SERPINB7: variants seen among roughly 807,000 people sequenced by gnomAD.
SERPINB7 encodes the protein serpin family B member 7, also known as serpin B7.
In SERPINB7, 31 loss-of-function variants were observed where a neutral mutation model predicts 37.4. That is an observed-to-expected ratio of 0.83 (90% CI 0.62 to 1.12). The LOEUF (loss-of-function observed/expected upper bound fraction) is 1.12. SERPINB7 is among the 50% of genes most tolerant of loss of function. The pLI, the probability that SERPINB7 is intolerant of heterozygous loss-of-function variation, is 0.00. For synonymous variants in SERPINB7, 163 were observed against 166.1 expected (o/e 0.98, Z 0.14); for missense variants, 521 against 455.3 (o/e 1.14, Z -1.31).
intron 7 of SERPINB7, 136 bp from the exon 8 acceptor site, chr18:63,804,101 G>A: frequency 1.6e-6 from 1 of 635,356 alleles, no homozygotes; most frequent in South Asian, 2.2e-5. Context: ...TTTCAAGACT[G>A]CCCAAGACAC....
intron 2 of SERPINB7, among the ~76,000 whole-genome samples, chr18:63,783,287 AAAGAAAG>A (rs2049332482): frequency 6.7e-6 from 1 of 149,214 alleles, no homozygotes; most frequent in Admixed American, 6.7e-5. Flanking sequence ...AGAAAGAAAG[AAAGAAAG>A]AAATGCAAAT....
intron 1 of SERPINB7, among the ~76,000 whole-genome samples, chr18:63,776,351 G>A (rs548178436): frequency 3.9e-5 from 6 of 152,022 alleles, no homozygotes; most frequent in Non-Finnish European, 8.8e-5. Context: ...TATATCCGTG[G>A]CTTAGTCTAT....
At chr18:63,772,449 A>C (rs369389687), upstream of SERPINB7, among the ~76,000 whole-genome samples, 11 of 152,228 alleles carry the variant, frequency 7.2e-5, no homozygotes, top group Admixed American at 4.6e-4. Flanking sequence ...CATCATTTAT[A>C]TTTAACTTTG....
At chr18:63,785,989 C>CAT (rs1491074489) in intron 2 of SERPINB7, among the ~76,000 whole-genome samples, 3 of 136,148 alleles carry the variant, frequency 2.2e-5, no homozygotes, top group African/African-American at 5.9e-5. Context: ...TATATATACA[C>CAT]ATATATAATA....
chr18:63,760,760 C>A (rs913743469), intron 1 of SERPINB7, among the ~76,000 whole-genome samples: 1 of 152,180 alleles, frequency 6.6e-6, no homozygotes, highest in Non-Finnish European at 1.5e-5. Flanking sequence ...AAGACCCAAG[C>A]CTTGGCAGCT....
intron 7 of SERPINB7, among the ~76,000 whole-genome samples, 160 bp from the exon 8 acceptor site, chr18:63,804,068 CTATTCATTT>C (rs960621875): frequency 1.3e-5 from 2 of 152,156 alleles, no homozygotes; most frequent in Non-Finnish European, 2.9e-5. Context: ...AGTACTTGAG[CTATTCATTT>C]TATTCATGTT....
At chr18:63,788,780 C>A (rs1343692649) in intron 2 of SERPINB7, among the ~76,000 whole-genome samples, 1 of 152,140 alleles carries the variant, frequency 6.6e-6, no homozygotes, top group Non-Finnish European at 1.5e-5. Context: ...GTATTTAATA[C>A]ACAGATATTT....
intron 5 of SERPINB7, among the ~76,000 whole-genome samples, chr18:63,798,393 TCA>T (rs968124221): frequency 6.6e-6 from 1 of 152,144 alleles, no homozygotes; most frequent in African/African-American, 2.4e-5. Flanking sequence ...AGTGCCTACC[TCA>T]CAGGGATTAT....
chr18:63,770,581 T>C (rs186217385), upstream of SERPINB7, among the ~76,000 whole-genome samples: 109 of 152,214 alleles, frequency 7.2e-4, no homozygotes, highest in African/African-American at 2.4e-3. Flanking sequence ...ACAGGATTTT[T>C]ACTGTCCATG....
At chr18:63,760,276 G>A (rs2144584605) in intron 1 of SERPINB7, among the ~76,000 whole-genome samples, 1 of 152,288 alleles carries the variant, frequency 6.6e-6, no homozygotes, top group South Asian at 2.1e-4. Context: ...CCCTGCCCTA[G>A]AGATTTGTGA....
At chr18:63,754,867 T>C (rs901287621) in intron 1 of SERPINB7, among the ~76,000 whole-genome samples, 2 of 148,728 alleles carry the variant, frequency 1.3e-5, no homozygotes, top group Non-Finnish European at 3.0e-5. Flanking sequence ...CCCAGCATTG[T>C]TTAAACTGAG....
intron 4 of SERPINB7, 29 bp from the exon 5 acceptor site, chr18:63,796,237 A>G: frequency 7.9e-7 from 1 of 1,267,752 alleles, no homozygotes; most frequent in Non-Finnish European, 1.1e-6. Context: ...GATGATTTGT[A>G]AATACGAGAA....
Position 63,783,220 on chromosome 18 carries a change from G to GAAAGAA in SERPINB7, c.168+681_168+682insAAGAAA, listed in dbSNP as rs1224407643. Among the ~76,000 whole-genome samples the GAAAGAA allele has an allele frequency of 6.2e-3, 394 of 63,900 alleles. 26 individuals are homozygous for GAAAGAA. The highest frequency in any genetic ancestry group is 0.025 in the African/African-American group (367 of 14,686). The allele number at this position is 63,900 out of a possible 152,430, so 41.9% of individuals were successfully genotyped here. A position where few individuals can be genotyped will look rare whatever the true frequency, so the allele number is the denominator to read the frequency against. On this transcript the variant is annotated intron_variant, in intron 2 of 7. Transcript: ENST00000398019. ...AGAGAGAGAGAGAGAGAGAGAGAGA[G>GAAAGAA]AGAGAGAGAGAGAGAAAGAAAGAAA...
intron 2 of SERPINB7, among the ~76,000 whole-genome samples, chr18:63,786,136 C>CATATAATATAAGTATATATATATGTAT (rs1555694575): frequency 8.3e-6 from 1 of 120,068 alleles, no homozygotes; most frequent in Non-Finnish European, 1.6e-5. Context: ...TACGTATATA[C>CATATAATATAAGTATATATATATGTAT]ATATATACAC....
At chr18:63,764,311 T>C (rs577827246) in intron 1 of SERPINB7, among the ~76,000 whole-genome samples, 2 of 152,226 alleles carry the variant, frequency 1.3e-5, no homozygotes, top group African/African-American at 4.8e-5. Flanking sequence ...TTACTGTGTC[T>C]GGGGATTTCA....
intron 2 of SERPINB7, among the ~76,000 whole-genome samples, chr18:63,784,288 G>T (rs1172936469): frequency 6.6e-6 from 1 of 152,092 alleles, no homozygotes; most frequent in Non-Finnish European, 1.5e-5. Flanking sequence ...TTTGTTGTGA[G>T]GGGCTGTCCT....
intron 1 of SERPINB7, chr18:63,777,921 C>CACACACAG (rs1568205147): frequency 7.0e-6 from 1 of 143,344 alleles, no homozygotes; most frequent in African/African-American, 2.5e-5. Flanking sequence ...CACACACACA[C>CACACACAG]ACACAGACAC....
At chr18:63,753,415 T>G (rs1424292071) in intron 1 of SERPINB7, among the ~76,000 whole-genome samples, 1 of 152,096 alleles carries the variant, frequency 6.6e-6, no homozygotes, top group Non-Finnish European at 1.5e-5. Flanking sequence ...AAATTCAGCT[T>G]TATTCCTTAC....
At chr18:63,776,961 C>T (rs1598998521) in intron 1 of SERPINB7, among the ~76,000 whole-genome samples, 1 of 152,126 alleles carries the variant, frequency 6.6e-6, no homozygotes, top group Non-Finnish European at 1.5e-5. Flanking sequence ...AGCATATTCA[C>T]CTTAGAGAGC....
Sources: gnomAD v4.1 joint callset for allele counts (sites outside exome capture counted in the v4.1 genomes callset) on GRCh38, gnomAD v4.1.1 for gene constraint, MANE v1.5 for transcripts, NCBI Gene and HGNC (gene_info 2026-07-23, HGNC 2026-07-21) for gene names.